ARL15: variants seen among roughly 807,000 people sequenced by gnomAD.
The protein encoded by ARL15 is ARF like GTPase 15, also known as ADP-ribosylation factor-like protein 15.
Under a neutral mutation model 25.2 loss-of-function variants are expected in ARL15, and 19 were observed. The ratio of observed to expected loss-of-function variants is 0.75; its 90% CI spans 0.53 to 1.10. ARL15 has a LOEUF of 1.10. Ranked by LOEUF, ARL15 falls within the 50% of genes least tolerant of loss-of-function variation. The pLI is 0.00. For synonymous variants in ARL15, 94 were observed against 86.8 expected, an observed-to-expected ratio of 1.08 and a Z score of -0.46; for missense variants, 220 against 246.0, an observed-to-expected ratio of 0.89 and a Z score of 0.71.
chr5:53,955,355 G>A (rs193242770), intron 4 of ARL15, among the ~76,000 whole-genome samples: 1 of 152,212 alleles, frequency 6.6e-6, no homozygotes, highest in East Asian at 1.9e-4. Flanking sequence ...ATTTTGCAAA[G>A]CATACCTTGT....
At chr5:54,225,666 G>A (rs1756498858) in intron 1 of ARL15, among the ~76,000 whole-genome samples, 1 of 152,166 alleles carries the variant, frequency 6.6e-6, no homozygotes, top group African/African-American at 2.4e-5. Flanking sequence ...AGTGATGGCA[G>A]GGAGGAGGTG....
chr5:54,167,324 C>T (rs544735415), intron 2 of ARL15, among the ~76,000 whole-genome samples: 11 of 152,290 alleles, frequency 7.2e-5, no homozygotes, highest in African/African-American at 2.6e-4. Context: ...TTGGTCTCCC[C>T]TTGCTCTCGG....
At chr5:54,281,337 A>G (rs1362045835) in intron 1 of ARL15, among the ~76,000 whole-genome samples, 2 of 152,100 alleles carry the variant, frequency 1.3e-5, no homozygotes, top group Non-Finnish European at 2.9e-5. Flanking sequence ...ACAGGGTTTC[A>G]CCACATTGGC....
chr5:54,138,262 G>A (rs1399410939), intron 3 of ARL15, among the ~76,000 whole-genome samples: 1 of 152,074 alleles, frequency 6.6e-6, no homozygotes, highest in Non-Finnish European at 1.5e-5. Flanking sequence ...AGAATCACTT[G>A]AGGCCAGGAG....
At chr5:54,127,383 CAG>C (rs904202474) in intron 3 of ARL15, among the ~76,000 whole-genome samples, 1 of 152,116 alleles carries the variant, frequency 6.6e-6, no homozygotes, top group African/African-American at 2.4e-5. Context: ...AACAGACAAA[CAG>C]AGAGCCAAAT....
chr5:54,265,786 C>A (rs1021409990), intron 1 of ARL15, among the ~76,000 whole-genome samples: 1 of 152,096 alleles, frequency 6.6e-6, no homozygotes, highest in African/African-American at 2.4e-5. Flanking sequence ...TTAAAGAAAG[C>A]CCCTTAACAC....
intron 4 of ARL15, among the ~76,000 whole-genome samples, chr5:54,074,539 T>A (rs1751529881): frequency 6.6e-6 from 1 of 152,232 alleles, no homozygotes; most frequent in African/African-American, 2.4e-5. Context: ...TCTGCTTTTC[T>A]GCTTTTGTAA....
In ARL15 at chr5:54,285,445, A is replaced by G. The variant is rs555937883; in HGVS notation, c.48+24987T>C. On this transcript the variant is annotated intron_variant, in intron 1 of 4. Coordinates refer to ENST00000504924, the MANE Select transcript of ARL15 (RefSeq NM_019087.3). ...AGAAAATAAACGTTATTTACTATAC[A>G]GTCCAAAAAATGGTATCAAGGTATA... The G allele has an allele frequency of 8.5e-6, 4 of 468,948 alleles. No homozygotes were observed. In the South Asian group the frequency reaches 3.7e-4, roughly 44 times the overall value. 29.0% of individuals were successfully genotyped at this position (468,948 alleles called of 1,614,324 possible).
At chr5:53,957,430 T>C (rs1443266238) in intron 4 of ARL15, among the ~76,000 whole-genome samples, 16 of 151,336 alleles carry the variant, frequency 1.1e-4, no homozygotes. Context: ...GAAGGTTTGC[T>C]TTTAGTAGAC....
At chr5:54,030,261 A>G (rs1749935166) in intron 4 of ARL15, among the ~76,000 whole-genome samples, 1 of 152,174 alleles carries the variant, frequency 6.6e-6, no homozygotes, top group African/African-American at 2.4e-5. Flanking sequence ...AGTTATGTAT[A>G]AGACACATAA....
At chr5:54,061,149 C>A (rs944270030) in intron 4 of ARL15, among the ~76,000 whole-genome samples, 2 of 152,198 alleles carry the variant, frequency 1.3e-5, no homozygotes, top group African/African-American at 4.8e-5. Context: ...GGCCCAGGGT[C>A]CTCCAGCTGT....
chr5:53,900,352 T>C (rs1362860872), intron 4 of ARL15, among the ~76,000 whole-genome samples: 1 of 152,182 alleles, frequency 6.6e-6, no homozygotes. Context: ...ATAGGAACCA[T>C]TATACTCTGC....
Position 54,021,700 on chromosome 5 carries a change from T to C in ARL15, c.462+91502A>G, listed in dbSNP as rs528104011. On this transcript the variant is annotated intron_variant, in intron 4 of 4. Transcript: ENST00000504924. ...AGGGAAAAAAGAAAGAGGGTGTGGCTGAAAACTTCTTCTAAGAAACAATGG... is the reference window on the plus strand; with the variant it reads ...AGGGAAAAAAGAAAGAGGGTGTGGCCGAAAACTTCTTCTAAGAAACAATGG... Among the ~76,000 whole-genome samples, 10 of 152,318 alleles carry C rather than the reference T, an allele frequency of 6.6e-5. 1 individual carries two copies. In the South Asian group the frequency reaches 1.2e-3, roughly 19 times the overall value.
At chr5:54,223,814 G>A (rs972402479) in intron 1 of ARL15, among the ~76,000 whole-genome samples, 2 of 152,112 alleles carry the variant, frequency 1.3e-5, no homozygotes, top group Non-Finnish European at 2.9e-5. Context: ...AAGGCAGAAT[G>A]GACTGAATAC....
chr5:54,117,444 C>T (rs1401504412), intron 3 of ARL15, among the ~76,000 whole-genome samples: 1 of 136,442 alleles, frequency 7.3e-6, no homozygotes, highest in African/African-American at 2.5e-5. Context: ...AAAAAATGTC[C>T]CTTATATGAC....
chr5:54,279,662 G>A (rs545263510), intron 1 of ARL15, among the ~76,000 whole-genome samples: 2 of 152,208 alleles, frequency 1.3e-5, no homozygotes, highest in East Asian at 3.9e-4. Flanking sequence ...TTTTAGGGCC[G>A]ATTTTTATCT....
In ARL15 at chr5:53,925,241, C is replaced by T. The variant is rs529166286; in HGVS notation, c.463-38528G>A. The stretch of plus-strand genomic sequence containing the variant: ...AGAAGGTGTCTCACTCTGTCACCGA[C>T]GCTGGAGTGCAGTGGTGCAATCATG... On this transcript the variant is annotated intron_variant, in intron 4 of 4. Transcript: ENST00000504924. Among the ~76,000 whole-genome samples the T allele has an allele frequency of 4.5e-4, 68 of 151,164 alleles. 1 individual carries two copies. Among genetic ancestry groups the T allele is most frequent in the Admixed American group, 1.6e-3 (24 of 15,206 alleles).
chr5:54,088,118 G>A (rs1425029571), intron 4 of ARL15, among the ~76,000 whole-genome samples: 2 of 152,186 alleles, frequency 1.3e-5, no homozygotes, highest in African/African-American at 2.4e-5. Flanking sequence ...CTGCCAACTA[G>A]CATGACTGTT....
chr5:54,164,808 C>T lies in ARL15; in HGVS notation c.193+6976G>A, dbSNP rs1295809235. 2.0e-5 allele frequency among the ~76,000 whole-genome samples: 3 copies of T among 151,884 alleles called. No individual in the cohort carries two copies. The East Asian group carries it at 5.8e-4, about 29-fold the overall frequency. ...GTTGGGTCTTGGTTTTTAAAAAAAT[C>T]TATTATATCAACCTCTGTCTCTTAA... is the stretch of plus-strand genomic sequence containing the variant. On this transcript the variant is annotated intron_variant, in intron 2 of 4. Coordinates refer to ENST00000504924, the MANE Select transcript of ARL15 (RefSeq NM_019087.3).
Sources: allele counts gnomAD v4.1 joint callset (sites outside exome capture counted in the v4.1 genomes callset), GRCh38; gene constraint gnomAD v4.1.1; transcripts MANE v1.5; gene names NCBI Gene and HGNC (gene_info 2026-07-23, HGNC 2026-07-21).